CAMK4: variants seen among roughly 807,000 people sequenced by gnomAD.
The protein encoded by CAMK4 is calcium/calmodulin dependent protein kinase IV, also known as calcium/calmodulin-dependent protein kinase type IV.
Under a neutral mutation model 44.9 loss-of-function variants are expected in CAMK4, and 22 were observed. The observed-to-expected ratio is 0.49, with a 90% CI of 0.35 to 0.70. The LOEUF (loss-of-function observed/expected upper bound fraction) is 0.70, where lower values mean the gene tolerates loss of function less well. Among genes scored for constraint, CAMK4 ranks in the 30% least tolerant of loss-of-function variants. The pLI, the probability that CAMK4 is intolerant of heterozygous loss-of-function variation, is 0.01. For missense variants in CAMK4, 498 were observed against 586.8 expected, an observed-to-expected ratio of 0.85 and a Z score of 1.56; for synonymous variants, 218 against 215.4, an observed-to-expected ratio of 1.01 and a Z score of -0.11.
intron 1 of CAMK4, among the ~76,000 whole-genome samples, chr5:111,339,029 T>C (rs1432125864): frequency 6.6e-6 from 1 of 151,366 alleles, no homozygotes; most frequent in African/African-American, 2.4e-5. Context: ...GTTGACTCTA[T>C]AGATTGCTTT....
At chr5:111,450,516 G>A (rs1395456126) in intron 7 of CAMK4, among the ~76,000 whole-genome samples, 1 of 148,714 alleles carries the variant, frequency 6.7e-6, no homozygotes, top group Non-Finnish European at 1.5e-5. Context: ...GGCCAGATGC[G>A]GTGGCTCATG....
At chr5:111,466,780 A>G (rs1327463546) in intron 7 of CAMK4, among the ~76,000 whole-genome samples, 1 of 152,170 alleles carries the variant, frequency 6.6e-6, no homozygotes, top group Non-Finnish European at 1.5e-5. Flanking sequence ...AAAGCAATCT[A>G]CAAATTCAAT....
chr5:111,437,373 A>G (rs1199675512), intron 5 of CAMK4, among the ~76,000 whole-genome samples: 1 of 152,252 alleles, frequency 6.6e-6, no homozygotes, highest in Non-Finnish European at 1.5e-5. Context: ...GTGCATCTAT[A>G]GGAAAATTGA....
chr5:111,411,100 G>A (rs545895751), intron 5 of CAMK4, among the ~76,000 whole-genome samples: 1 of 152,186 alleles, frequency 6.6e-6, no homozygotes, highest in South Asian at 2.1e-4. Flanking sequence ...ACTCTAAAAG[G>A]AATCAGCATT....
intron 1 of CAMK4, among the ~76,000 whole-genome samples, chr5:111,272,769 G>T (rs1172016585): frequency 6.6e-6 from 1 of 152,110 alleles, no homozygotes; most frequent in East Asian, 1.9e-4. Flanking sequence ...CAATATTTCT[G>T]CAGTCTTGTA....
intron 1 of CAMK4, among the ~76,000 whole-genome samples, chr5:111,281,894 T>C (rs1751033258): frequency 6.6e-6 from 1 of 151,642 alleles, no homozygotes; most frequent in Admixed American, 6.6e-5. Flanking sequence ...CCGTCTCTAC[T>C]AAAAATACAA....
In CAMK4 at chr5:111,252,641, A is replaced by G. The variant is rs142968673; in HGVS notation, c.161+27997A>G. 1.6e-3 allele frequency among the ~76,000 whole-genome samples: 243 copies of G among 152,372 alleles called. 5 individuals carry two copies. In the East Asian group the frequency reaches 0.043, roughly 27 times the overall value. On this transcript the variant is annotated intron_variant, in intron 1 of 10. Transcript: ENST00000282356. Reference sequence around the variant, plus strand: ...TTAGCAGTAAGCTGGTAACTAACATAGTAATAATAATACTACAAAACAAGT... The same window carrying G: ...TTAGCAGTAAGCTGGTAACTAACATGGTAATAATAATACTACAAAACAAGT...
At position 111,484,092 on chromosome 5, in the gene CAMK4, C is replaced by T. The variant is rs772454448; in HGVS notation, c.1048C>T (p.Gln350Ter). The stretch of plus-strand genomic sequence containing the variant: ...TGCCAGCAGCAGCCATGGCAGCATC[C>T]AGGAGAGCCACAAGGCTAGCCGAGA... ...GSASSSHGSI[Q>*]ESHKASRDPS... is the part of the protein sequence containing the mutation. Residue 350 changes from glutamine to a stop codon, truncating the protein, a stop_gained, in exon 11 of 11, where the codon CAG (glutamine) becomes TAG (stop). Coordinates refer to ENST00000282356, the MANE Select transcript of CAMK4 (RefSeq NM_001744.6). LOFTEE classifies it low-confidence loss of function (END_TRUNC). The surrounding 1 kb of genome is among the most constrained non-coding windows in gnomAD (Gnocchi z 5.3). The T allele has an allele frequency of 6.2e-7, 1 of 1,613,386 alleles. No homozygotes were observed. The highest frequency in any genetic ancestry group is 8.5e-7 in the Non-Finnish European group (1 of 1,179,630).
Position 111,284,031 on chromosome 5 carries a change from G to A in CAMK4, c.161+59387G>A, listed in dbSNP as rs538989357. On this transcript the variant is annotated intron_variant, in intron 1 of 10. Coordinates refer to ENST00000282356, the MANE Select transcript of CAMK4 (RefSeq NM_001744.6). The stretch of plus-strand genomic sequence containing the variant: ...ATAGGTCTGACATTTTAAATATGGT[G>A]AAACTTTATTACGTAATTAAAACAA... 3.3e-5 allele frequency among the ~76,000 whole-genome samples: 5 copies of A among 152,278 alleles called. No homozygotes were observed. The South Asian group carries it at 1.0e-3, about 32-fold the overall frequency.
intron 5 of CAMK4, among the ~76,000 whole-genome samples, chr5:111,438,030 A>T (rs1401281507): frequency 1.3e-5 from 2 of 152,212 alleles, no homozygotes; most frequent in Non-Finnish European, 2.9e-5. Context: ...CATTCTGGAG[A>T]CATTTTGGAA....
chr5:111,269,081 A>G (rs1169336566), intron 1 of CAMK4, among the ~76,000 whole-genome samples: 1 of 152,244 alleles, frequency 6.6e-6, no homozygotes, highest in African/African-American at 2.4e-5. Context: ...GTATTTTGAT[A>G]CCAATAATGA....
At chr5:111,231,329 A>G (rs1314617969) in intron 1 of CAMK4, among the ~76,000 whole-genome samples, 1 of 152,176 alleles carries the variant, frequency 6.6e-6, no homozygotes, top group Non-Finnish European at 1.5e-5. Context: ...TCTAGGCACT[A>G]TAGACTTCTG....
intron 1 of CAMK4, among the ~76,000 whole-genome samples, chr5:111,258,773 G>T (rs1749852748): frequency 6.6e-6 from 1 of 151,346 alleles, no homozygotes; most frequent in Non-Finnish European, 1.5e-5. Flanking sequence ...GTGTGTGTGT[G>T]TGTGTGTGTG....
At chr5:111,408,116 A>AAG (rs57215459) in intron 5 of CAMK4, among the ~76,000 whole-genome samples, 3,346 of 149,324 alleles carry the variant, frequency 0.022, 83 homozygotes, top group African/African-American at 0.065. Context: ...CAAAGAAAGA[A>AAG]AGAGAGAGAG....
chr5:111,223,878 G>C (rs1164301018), upstream of CAMK4: 1 of 152,654 alleles, frequency 6.6e-6, no homozygotes, highest in Non-Finnish European at 1.5e-5. The surrounding 1 kb of genome is among the most constrained non-coding windows in gnomAD (Gnocchi z 4.3). Flanking sequence ...GACTCGCCAC[G>C]GAGACGCGCT....
rs1173228003 is a variant in CAMK4 at position 111,491,923 on chromosome 5, C to T, written c.*7457C>T. The T allele has an allele frequency of 6.6e-6, 1 of 152,120 alleles. No individual in the cohort carries two copies. The highest frequency in any genetic ancestry group is 1.5e-5 in the Non-Finnish European group (1 of 68,022). The allele number at this position is 152,120 out of a possible 1,614,324, so 9.4% of individuals were successfully genotyped here. ...GACAATGACTTTCTCAACAATAGCTCAGGGAATACGCAAACAGCCAGCTCT... is the reference window on the plus strand; with the variant it reads ...GACAATGACTTTCTCAACAATAGCTTAGGGAATACGCAAACAGCCAGCTCT... On this transcript the variant is annotated 3_prime_UTR_variant, in exon 11 of 11. Coordinates refer to ENST00000282356, the MANE Select transcript of CAMK4 (RefSeq NM_001744.6).
chr5:111,369,134 C>T (rs1024511163), intron 2 of CAMK4, among the ~76,000 whole-genome samples: 27 of 151,506 alleles, frequency 1.8e-4, no homozygotes, highest in African/African-American at 6.1e-4. Flanking sequence ...GGCACAAGCT[C>T]AGCTCACTGC....
intron 2 of CAMK4, among the ~76,000 whole-genome samples, chr5:111,364,079 T>C (rs558472049): frequency 6.6e-6 from 1 of 152,010 alleles, no homozygotes; most frequent in South Asian, 2.1e-4. Flanking sequence ...TACTCCCAGG[T>C]GAAGAAGTGA....
rs538867998 is a variant in CAMK4, at chr5:111,263,518, C to T, written c.161+38874C>T. Among the ~76,000 whole-genome samples the T allele has an allele frequency of 6.6e-5, 10 of 152,310 alleles. No homozygotes were observed. In the South Asian group the frequency reaches 1.9e-3, roughly 28 times the overall value. On this transcript the variant is annotated intron_variant, in intron 1 of 10. Coordinates refer to ENST00000282356, the MANE Select transcript of CAMK4 (RefSeq NM_001744.6). ...CCCACAGCAGTCTACTTCTTCCAAA[C>T]CTTATCATCATTGCCATGTCCATTT... is the stretch of plus-strand genomic sequence containing the variant.
Sources: gnomAD v4.1 joint callset for allele counts (sites outside exome capture counted in the v4.1 genomes callset) on GRCh38, gnomAD v4.1.1 for gene constraint, Gnocchi (gnomAD v3.1) non-coding constraint, MANE v1.5 for transcripts, NCBI Gene and HGNC (gene_info 2026-07-23, HGNC 2026-07-21) for gene names.